Variants in PPP2R2B observed in about 807,000 individuals in gnomAD.
PPP2R2B encodes serine/threonine-protein phosphatase 2A 55 kDa regulatory subunit B beta isoform.
A neutral mutation model predicts 46.0 loss-of-function variants in PPP2R2B; 5 were observed. The observed-to-expected ratio is 0.11, with a 90% CI of 0.06 to 0.23. The LOEUF (loss-of-function observed/expected upper bound fraction) is 0.23. Ranked by LOEUF, PPP2R2B falls within the 10% of genes least tolerant of loss-of-function variation. PPP2R2B has a pLI of 1.00. For missense variants in PPP2R2B, 367 were observed against 575.0 expected (o/e 0.64, Z 3.70); for synonymous variants, 215 against 206.7 (o/e 1.04, Z -0.34).
chr5:146,833,768 G>A (rs1300485237), intron 2 of PPP2R2B, among the ~76,000 whole-genome samples: 1 of 113,708 alleles, frequency 8.8e-6, no homozygotes, highest in Admixed American at 1.1e-4. Context: ...CCCACCCCCA[G>A]CTGCACAGCT....
intron 1 of PPP2R2B, among the ~76,000 whole-genome samples, chr5:146,923,194 G>A (rs549612345): frequency 1.3e-5 from 2 of 152,184 alleles, no homozygotes; most frequent in Non-Finnish European, 1.5e-5. Context: ...AATATATCTA[G>A]GTGACAACTT....
chr5:147,078,807 C>CAA (rs35601188), intron 2 of PPP2R2B, among the ~76,000 whole-genome samples: 22 of 106,224 alleles, frequency 2.1e-4, no homozygotes, highest in African/African-American at 5.3e-4. Context: ...GACTCCGTCT[C>CAA]AAAAAAAAAA....
chr5:146,778,936 T>G (rs1229752493), intron 2 of PPP2R2B, among the ~76,000 whole-genome samples: 3 of 152,230 alleles, frequency 2.0e-5, no homozygotes, highest in African/African-American at 7.2e-5. Context: ...GCTTTGTGTG[T>G]CTTCAGAACA....
intron 2 of PPP2R2B, among the ~76,000 whole-genome samples, chr5:146,730,861 A>C (rs1752187301): frequency 6.6e-6 from 1 of 152,184 alleles, no homozygotes; most frequent in South Asian, 2.1e-4. Context: ...ATATCATTAA[A>C]AAGAGAGGTG....
intron 3 of PPP2R2B, among the ~76,000 whole-genome samples, 185 bp downstream of exon 3, chr5:146,700,860 G>C (rs972525578): frequency 6.6e-6 from 1 of 152,152 alleles, no homozygotes; most frequent in African/African-American, 2.4e-5. Context: ...GCCCAGAAAA[G>C]GCTCTCTTTT....
intron 2 of PPP2R2B, among the ~76,000 whole-genome samples, chr5:146,805,783 G>A (rs1185702335): frequency 6.6e-6 from 1 of 152,090 alleles, no homozygotes; most frequent in Admixed American, 6.5e-5. Flanking sequence ...GGCTTAAGGG[G>A]AAGGCTGTGT....
chr5:146,816,518 G>T (rs1486263621), intron 2 of PPP2R2B, among the ~76,000 whole-genome samples: 4 of 152,122 alleles, frequency 2.6e-5, no homozygotes, highest in Admixed American at 2.0e-4. Context: ...ATGCTAAAGA[G>T]CATAGAAAAA....
intron 2 of PPP2R2B, among the ~76,000 whole-genome samples, chr5:146,827,045 G>C (rs1489946596): frequency 6.6e-6 from 1 of 152,118 alleles, no homozygotes; most frequent in African/African-American, 2.4e-5. Context: ...TTAAGTTTCT[G>C]CTTCTTCCCC....
intron 1 of PPP2R2B, among the ~76,000 whole-genome samples, chr5:146,919,047 C>G (rs923597231): frequency 6.6e-6 from 1 of 152,058 alleles, no homozygotes; most frequent in African/African-American, 2.4e-5. Context: ...TATGCAAAAC[C>G]TATATATGAA....
chr5:146,772,630 A>T (rs1754941891), intron 2 of PPP2R2B, among the ~76,000 whole-genome samples: 1 of 152,018 alleles, frequency 6.6e-6, no homozygotes, highest in South Asian at 2.1e-4. Context: ...AATGCAACCA[A>T]AAAAACTGCT....
At chr5:146,601,808 A>G (rs1199140871) in intron 7 of PPP2R2B, among the ~76,000 whole-genome samples, 1 of 152,236 alleles carries the variant, frequency 6.6e-6, no homozygotes, top group Non-Finnish European at 1.5e-5. Context: ...CCATTAGCCA[A>G]ATAGTGTACA....
At chr5:146,962,284 C>T (rs1338864790) in intron 1 of PPP2R2B, among the ~76,000 whole-genome samples, 2 of 151,216 alleles carry the variant, frequency 1.3e-5, no homozygotes, top group Non-Finnish European at 2.9e-5. Flanking sequence ...TGTTTCCTTT[C>T]TCTTTTGTTT....
At chr5:146,712,319 T>G (rs1239381988) in intron 2 of PPP2R2B, among the ~76,000 whole-genome samples, 22 of 152,150 alleles carry the variant, frequency 1.4e-4, no homozygotes, top group Admixed American at 1.4e-3. Flanking sequence ...TATGCTCTCT[T>G]TTGGATAATA....
At position 146,706,524 on chromosome 5, in the gene PPP2R2B, G is replaced by T. The variant is rs568164785; in HGVS notation, c.71-5382C>A. On this transcript the variant is annotated intron_variant, in intron 2 of 9. Transcript: ENST00000394411. ...CTTCTGGTAGGCACGCAGCTGCCGCGCCATGTCCTACTTGGTCTGCTGAAG... is the reference window on the plus strand; with the variant it reads ...CTTCTGGTAGGCACGCAGCTGCCGCTCCATGTCCTACTTGGTCTGCTGAAG... 1.9e-5 allele frequency: 22 copies of T among 1,176,380 alleles called. No individual in the cohort carries two copies. In the South Asian group the frequency reaches 1.9e-4, roughly 10 times the overall value. 72.9% of individuals were successfully genotyped at this position (1,176,380 alleles called of 1,614,324 possible).
intron 2 of PPP2R2B, among the ~76,000 whole-genome samples, chr5:146,813,999 T>C (rs1371495213): frequency 6.6e-6 from 1 of 152,054 alleles, no homozygotes; most frequent in African/African-American, 2.4e-5. Context: ...TGCTAAACCC[T>C]CTCACTTGAA....
chr5:146,942,192 T>C (rs982789690), intron 1 of PPP2R2B, among the ~76,000 whole-genome samples: 1 of 152,244 alleles, frequency 6.6e-6, no homozygotes, highest in Admixed American at 6.5e-5. Context: ...GTTAGGACTT[T>C]AACATATTTT....
At chr5:146,606,085 A>C (rs978691336) in intron 7 of PPP2R2B, among the ~76,000 whole-genome samples, 2 of 152,220 alleles carry the variant, frequency 1.3e-5, no homozygotes. Flanking sequence ...TAAGAAGAAG[A>C]CTGCCAACTT....
At chr5:146,819,371 C>T (rs1758120987) in intron 2 of PPP2R2B, among the ~76,000 whole-genome samples, 1 of 152,108 alleles carries the variant, frequency 6.6e-6, no homozygotes. Flanking sequence ...CTCAAGAAAT[C>T]ATCTGGAGTA....
intron 2 of PPP2R2B, among the ~76,000 whole-genome samples, chr5:146,722,588 A>C (rs1751597742): frequency 6.6e-6 from 1 of 152,234 alleles, no homozygotes; most frequent in Non-Finnish European, 1.5e-5. Flanking sequence ...AAACAGCTTC[A>C]TCTAACAGAA....
Sources: gnomAD v4.1 joint callset for allele counts (sites outside exome capture counted in the v4.1 genomes callset) on GRCh38, gnomAD v4.1.1 for gene constraint, MANE v1.5 for transcripts, NCBI Gene and HGNC (gene_info 2026-07-23, HGNC 2026-07-21) for gene names.